The following STAU1 variants were observed in gnomAD, a reference collection of about 807,000 sequenced individuals.
STAU1 encodes the protein staufen double-stranded RNA binding protein 1, also known as double-stranded RNA-binding protein Staufen homolog 1.
A neutral mutation model predicts 62.9 loss-of-function variants in STAU1; 13 were observed. That is an observed-to-expected ratio of 0.21 (90% CI 0.13 to 0.33). The LOEUF (loss-of-function observed/expected upper bound fraction) is 0.33, where lower values mean the gene tolerates loss of function less well. Ranked by LOEUF, STAU1 falls within the 10% of genes least tolerant of loss-of-function variation. The probability of loss-of-function intolerance (pLI) is 1.00; values close to 1 mark genes in which losing one functional copy is unlikely to be tolerated. For synonymous variants in STAU1, 269 were observed against 265.1 expected (o/e 1.01, Z -0.14); for missense variants, 571 against 712.1 (o/e 0.80, Z 2.25).
chr20:49,197,384 AAT>A, the STAU1 span, among the ~76,000 whole-genome samples: 1 of 147,550 alleles, frequency 6.8e-6, no homozygotes, highest in Non-Finnish European at 1.5e-5. Context: ...ACATATACAT[AAT>A]TTTCTTTTCT....
At chr20:49,184,636 T>TA (rs1338255382) in intron 1 of STAU1, among the ~76,000 whole-genome samples, 3 of 152,208 alleles carry the variant, frequency 2.0e-5, no homozygotes, top group African/African-American at 7.2e-5. Flanking sequence ...GAGAGCAACT[T>TA]ATTCTCAAGA....
chr20:49,143,342 T>G (rs1447414937), intron 5 of STAU1, among the ~76,000 whole-genome samples: 1 of 152,114 alleles, frequency 6.6e-6, no homozygotes, highest in Non-Finnish European at 1.5e-5. Context: ...CTATAATCTC[T>G]GCACTTTGAG....
chr20:49,151,628 T>C lies in STAU1; in HGVS notation c.464A>G (p.Lys155Arg), dbSNP rs767681485. 6 of 1,612,124 alleles carry C rather than the reference T, an allele frequency of 3.7e-6. No homozygotes were observed. Among genetic ancestry groups the C allele is most frequent in the Non-Finnish European group, 5.1e-6 (6 of 1,179,342 alleles). The change falls in exon 5 of 14, where the codon AAA (lysine) becomes AGA (arginine). Residue 155 changes from lysine (K) to arginine (R), a missense_variant. Lys to Arg is a conservative substitution (Grantham distance 26). Coordinates refer to ENST00000371856, the MANE Select transcript of STAU1 (RefSeq NM_017453.4). Reference protein sequence around the residue: ...RQAAKHDAAAKALRILQNEPL... With the variant: ...RQAAKHDAAARALRILQNEPL... ...CTCATTCTGCAGGATCCTCAACGCT[T>C]TGGCAGCAGCATCGTGTTTCGCAGC...
chr20:49,172,445 A>G (rs1866214899), intron 2 of STAU1, among the ~76,000 whole-genome samples: 1 of 152,246 alleles, frequency 6.6e-6, no homozygotes, highest in East Asian at 1.9e-4. Context: ...TTTTAACACA[A>G]TAAAAATGAA....
the STAU1 span, among the ~76,000 whole-genome samples, chr20:49,205,167 T>C: frequency 6.6e-6 from 1 of 152,220 alleles, no homozygotes; most frequent in Admixed American, 6.5e-5. Context: ...GCTATATAAA[T>C]TTAAAACGTA....
chr20:49,168,371 G>A (rs1223685901), intron 2 of STAU1, among the ~76,000 whole-genome samples: 2 of 152,120 alleles, frequency 1.3e-5, no homozygotes, highest in African/African-American at 4.8e-5. Context: ...GTGAGGCACC[G>A]CACTCTGCTC....
chr20:49,202,408 A>C, the STAU1 span, among the ~76,000 whole-genome samples: 1 of 150,568 alleles, frequency 6.6e-6, no homozygotes, highest in Non-Finnish European at 1.5e-5. Context: ...CTTAAAAAAC[A>C]TAAAAATTAG....
chr20:49,164,199 C>T (rs922012455), intron 3 of STAU1, among the ~76,000 whole-genome samples: 7 of 152,036 alleles, frequency 4.6e-5, no homozygotes, highest in African/African-American at 1.7e-4. Context: ...CACTGCACTC[C>T]AGCCTAAGCA....
chr20:49,165,976 C>T (rs1473059906), intron 3 of STAU1, 21 bp downstream of exon 3: 4 of 1,611,394 alleles, frequency 2.5e-6, no homozygotes, highest in Non-Finnish European at 3.4e-6. Context: ...AAATAGAAGA[C>T]ACTTGGATTC....
the STAU1 span, among the ~76,000 whole-genome samples, chr20:49,205,183 G>A: frequency 5.9e-5 from 9 of 151,986 alleles, no homozygotes; most frequent in Non-Finnish European, 1.2e-4. Flanking sequence ...ACGTATTTTC[G>A]TATTATACTG....
intron 2 of STAU1, among the ~76,000 whole-genome samples, chr20:49,171,972 G>C (rs910442091): frequency 1.4e-5 from 2 of 143,866 alleles, no homozygotes; most frequent in Non-Finnish European, 3.0e-5. Flanking sequence ...TCAAGACAAA[G>C]ACAGAGATTA....
At chr20:49,207,242 A>T in the STAU1 span, among the ~76,000 whole-genome samples, 2,316 of 151,692 alleles carry the variant, frequency 0.015, 66 homozygotes, top group South Asian at 0.079. Context: ...AAAGAAGCCA[A>T]AAGTTCCCTG....
In STAU1 at chr20:49,114,345, C is replaced by T. The variant is rs1249841397; in HGVS notation, c.*533G>A. ...GAAAGCAGTGGTGATGGTGTGGGTA[C>T]TGCAGGAGGTGGTGGGGCCGTGGCA... On this transcript the variant is annotated 3_prime_UTR_variant, in exon 14 of 14. Coordinates refer to ENST00000371856, the MANE Select transcript of STAU1 (RefSeq NM_017453.4). The T allele has an allele frequency of 6.5e-6, 1 of 154,472 alleles. No homozygotes were observed. Among genetic ancestry groups the T allele is most frequent in the African/African-American group, 2.4e-5 (1 of 41,476 alleles). The allele number at this position is 154,472 out of a possible 1,614,324, so 9.6% of individuals were successfully genotyped here. A position where few individuals can be genotyped will look rare whatever the true frequency, so the allele number is the denominator to read the frequency against.
chr20:49,144,700 T>C (rs2093086742), intron 5 of STAU1, among the ~76,000 whole-genome samples: 1 of 152,194 alleles, frequency 6.6e-6, no homozygotes, highest in African/African-American at 2.4e-5. Flanking sequence ...GTCTCTAGTC[T>C]TCTTTTTTTA....
chr20:49,143,591 TCAAAA>T (rs986593691), intron 5 of STAU1, among the ~76,000 whole-genome samples: 3 of 152,126 alleles, frequency 2.0e-5, no homozygotes, highest in East Asian at 3.8e-4. Context: ...AGACCCTATT[TCAAAA>T]CAAAACAAAA....
At chr20:49,116,671 T>C (rs1600585850) in intron 12 of STAU1, among the ~76,000 whole-genome samples, 1 of 152,176 alleles carries the variant, frequency 6.6e-6, no homozygotes, top group East Asian at 1.9e-4. Flanking sequence ...TGACATCCCA[T>C]CAAGTGAATA....
Position 49,151,643 on chromosome 20 carries a change from T to C in STAU1, c.449A>G (p.His150Arg). 1.9e-6 allele frequency: 3 copies of C among 1,612,652 alleles called. No homozygotes were observed. Among genetic ancestry groups the C allele is most frequent in the Non-Finnish European group, 8.5e-7 (1 of 1,179,500 alleles). Reference sequence around the variant, plus strand: ...CCTCAACGCTTTGGCAGCAGCATCGTGTTTCGCAGCCTGTCTTGTCTTTCC... The same window carrying C: ...CCTCAACGCTTTGGCAGCAGCATCGCGTTTCGCAGCCTGTCTTGTCTTTCC... ...GKGKTRQAAK[H>R]DAAAKALRIL... The change falls in exon 5 of 14, where the codon CAC becomes CGC. Residue 150 changes from histidine to arginine, a missense_variant. Coordinates refer to ENST00000371856, the MANE Select transcript of STAU1 (RefSeq NM_017453.4).
chr20:49,146,675 A>G lies in STAU1; in HGVS notation c.510+4907T>C, dbSNP rs534934861. On this transcript the variant is annotated intron_variant, in intron 5 of 13. Transcript: ENST00000371856. ...CCTGCATGGAGGGCCTCCGCACTCC[A>G]GCCTGGGCAACAGAGTGAGACCCTA... Among the ~76,000 whole-genome samples, 6 of 151,852 alleles carry G rather than the reference A, an allele frequency of 4.0e-5. No homozygotes were observed. In the South Asian group the frequency reaches 1.3e-3, roughly 32 times the overall value.
At chr20:49,208,485 G>A in the STAU1 span, among the ~76,000 whole-genome samples, 1 of 152,052 alleles carries the variant, frequency 6.6e-6, no homozygotes, top group Non-Finnish European at 1.5e-5. Context: ...TTACAGGCGT[G>A]AGCCACCATG....
Sources: allele counts gnomAD v4.1 joint callset (sites outside exome capture counted in the v4.1 genomes callset), GRCh38; gene constraint gnomAD v4.1.1; transcripts MANE v1.5; gene names NCBI Gene and HGNC (gene_info 2026-07-23, HGNC 2026-07-21).